Variants in KPNA5 observed in about 807,000 individuals in gnomAD.
The protein encoded by KPNA5 is karyopherin subunit alpha 5, also known as importin subunit alpha-6.
KPNA5 carries 46 observed loss-of-function variants against 71.3 expected under a neutral mutation model. The observed-to-expected ratio is 0.65, with a 90% CI of 0.51 to 0.83. The LOEUF (loss-of-function observed/expected upper bound fraction) is 0.83, where lower values mean the gene tolerates loss of function less well. Among genes scored for constraint, KPNA5 ranks in the 40% least tolerant of loss-of-function variants. KPNA5 has a pLI of 0.00. For synonymous variants in KPNA5, 207 were observed against 201.4 expected (o/e 1.03, Z -0.24); for missense variants, 547 against 628.3 (o/e 0.87, Z 1.38).
intron 6 of KPNA5, 47 bp downstream of exon 6, chr6:116,702,197 T>C: frequency 1.3e-6 from 2 of 1,568,356 alleles, no homozygotes; most frequent in Non-Finnish European, 1.7e-6. Context: ...TTCAGTTTTC[T>C]CTTGAAAGTA....
intron 13 of KPNA5, 23 bp downstream of exon 13, chr6:116,729,764 G>T: frequency 7.0e-7 from 1 of 1,418,526 alleles, no homozygotes; most frequent in South Asian, 1.7e-5. Flanking sequence ...TTAAAAATTT[G>T]CAATTATAGT....
At chr6:116,716,816 A>G (rs1277297118) in intron 8 of KPNA5, among the ~76,000 whole-genome samples, 1 of 152,210 alleles carries the variant, frequency 6.6e-6, no homozygotes, top group Non-Finnish European at 1.5e-5. Context: ...ATACCATTGT[A>G]CTTCTTTTGA....
chr6:116,683,355 T>G (rs2114343938), intron 1 of KPNA5, among the ~76,000 whole-genome samples: 1 of 152,280 alleles, frequency 6.6e-6, no homozygotes, highest in Non-Finnish European at 1.5e-5. Context: ...CATATATAGG[T>G]GATAAATACT....
In KPNA5 at chr6:116,689,468, C is replaced by T. The variant is rs183252786; in HGVS notation, c.138+15C>T. 5.2e-6 allele frequency: 8 copies of T among 1,530,906 alleles called. 1 individual carries two copies. The highest frequency in any genetic ancestry group is 2.0e-4 in the Middle Eastern group (1 of 4,920). The allele number at this position is 1,530,906 out of a possible 1,614,324, so 94.8% of individuals were successfully genotyped here. A position where few individuals can be genotyped will look rare whatever the true frequency, so the allele number is the denominator to read the frequency against. On this transcript the variant is annotated intron_variant, in intron 2 of 13. Coordinates refer to ENST00000368564, the MANE Select transcript of KPNA5 (RefSeq NM_001366306.2). Reference sequence around the variant, plus strand: ...GAGAAGAACAGGTAGGTGTTTTTAGCTATTTAATTTTGTTTTTTAAAATTT... The same window carrying T: ...GAGAAGAACAGGTAGGTGTTTTTAGTTATTTAATTTTGTTTTTTAAAATTT...
At chr6:116,687,239 CT>C (rs942911421) in intron 1 of KPNA5, among the ~76,000 whole-genome samples, 22 of 152,092 alleles carry the variant, frequency 1.4e-4, no homozygotes, top group Admixed American at 1.4e-3. Context: ...CTCTAGAGGT[CT>C]TTCACCTCCT....
intron 1 of KPNA5, among the ~76,000 whole-genome samples, chr6:116,685,691 T>C (rs1270667018): frequency 6.6e-6 from 1 of 152,202 alleles, no homozygotes; most frequent in African/African-American, 2.4e-5. Flanking sequence ...CTGTTACTGA[T>C]GGGCATTTAG....
chr6:116,703,698 T>C (rs1336080154), intron 6 of KPNA5, among the ~76,000 whole-genome samples: 1 of 152,186 alleles, frequency 6.6e-6, no homozygotes, highest in South Asian at 2.1e-4. Context: ...AGGTTTTTCT[T>C]AAAAACAAAC....
At chr6:116,704,485 A>G (rs747461840) in intron 6 of KPNA5, among the ~76,000 whole-genome samples, 38 of 152,252 alleles carry the variant, frequency 2.5e-4, no homozygotes, top group Non-Finnish European at 4.6e-4. Flanking sequence ...GTGCATGATT[A>G]TAATTGGAAA....
At chr6:116,720,148 C>G (rs372806541) in intron 8 of KPNA5, among the ~76,000 whole-genome samples, 1 of 152,174 alleles carries the variant, frequency 6.6e-6, no homozygotes, top group African/African-American at 2.4e-5. Flanking sequence ...TAACCTCTTC[C>G]TCTACTTTAG....
At chr6:116,711,347 C>A (rs117020623) in intron 7 of KPNA5, among the ~76,000 whole-genome samples, 3,072 of 149,790 alleles carry the variant, frequency 0.021, 42 homozygotes, top group Non-Finnish European at 0.032. Flanking sequence ...CTGGTCTTAA[C>A]TTTATTTTCT....
rs1779582988 is a variant in KPNA5, at chr6:116,733,977, G to A, written c.*1654G>A. On this transcript the variant is annotated 3_prime_UTR_variant, in exon 14 of 14. Transcript: ENST00000368564. Reference sequence around the variant, plus strand: ...GCTGTAAAATACAGGTTTAAATGGTGTTCGTAATGCTGAGTGCATCTGCCA... The same window carrying A: ...GCTGTAAAATACAGGTTTAAATGGTATTCGTAATGCTGAGTGCATCTGCCA... The A allele has an allele frequency of 6.6e-6, 1 of 151,662 alleles. No individual in the cohort carries two copies. Among genetic ancestry groups the A allele is most frequent in the Admixed American group, 6.6e-5 (1 of 15,168 alleles). The allele number at this position is 151,662 out of a possible 1,614,324, so 9.4% of individuals were successfully genotyped here.
rs112638317 is a variant in KPNA5, at chr6:116,719,589, G to A, written c.757-2537G>A. ...GCAGCTGGGCACTGTGTCTCATGCTGTAATCCTAGCACTTTGGGAGGCTGA... is the reference window on the plus strand; with the variant it reads ...GCAGCTGGGCACTGTGTCTCATGCTATAATCCTAGCACTTTGGGAGGCTGA... On this transcript the variant is annotated intron_variant, in intron 8 of 13. Coordinates refer to ENST00000368564, the MANE Select transcript of KPNA5 (RefSeq NM_001366306.2). Among the ~76,000 whole-genome samples, 465 of 152,258 alleles carry A rather than the reference G, an allele frequency of 3.1e-3. 3 individuals carry two copies. Among genetic ancestry groups the A allele is most frequent in the African/African-American group, 0.011 (447 of 41,560 alleles).
intron 7 of KPNA5, among the ~76,000 whole-genome samples, chr6:116,713,752 A>G (rs1293582266): frequency 6.6e-6 from 1 of 152,108 alleles, no homozygotes; most frequent in Non-Finnish European, 1.5e-5. Flanking sequence ...CTCAGTTTGA[A>G]TAATTTCAAT....
At chr6:116,707,167 A>C (rs1778474430) in intron 7 of KPNA5, among the ~76,000 whole-genome samples, 1 of 152,260 alleles carries the variant, frequency 6.6e-6, no homozygotes, top group Admixed American at 6.5e-5. Flanking sequence ...CTGTCTCAAA[A>C]AAAAAAAATG....
intron 4 of KPNA5, among the ~76,000 whole-genome samples, chr6:116,695,088 C>T (rs751569611): frequency 6.6e-5 from 10 of 152,090 alleles, no homozygotes; most frequent in East Asian, 3.9e-4. Context: ...GTAGCTAGGA[C>T]GACAGGCATG....
intron 4 of KPNA5, among the ~76,000 whole-genome samples, chr6:116,697,935 G>T (rs1778088172): frequency 6.6e-6 from 1 of 151,964 alleles, no homozygotes; most frequent in South Asian, 2.1e-4. Flanking sequence ...AGGTTGTAAG[G>T]TCTGTGAATT....
chr6:116,706,286 G>A (rs978343538), intron 7 of KPNA5, among the ~76,000 whole-genome samples: 7 of 152,150 alleles, frequency 4.6e-5, no homozygotes, highest in African/African-American at 1.7e-4. Flanking sequence ...CATTTCTTAG[G>A]TCTAATCTCT....
At chr6:116,685,315 G>T (rs1777533437) in intron 1 of KPNA5, among the ~76,000 whole-genome samples, 1 of 152,130 alleles carries the variant, frequency 6.6e-6, no homozygotes, top group South Asian at 2.1e-4. Context: ...AGGCTCAGGG[G>T]CACATGTGCA....
intron 7 of KPNA5, among the ~76,000 whole-genome samples, chr6:116,710,483 C>G (rs193172096): frequency 1.3e-5 from 2 of 152,176 alleles, no homozygotes; most frequent in Admixed American, 6.5e-5. Context: ...GAAATAAGCA[C>G]ATAATGGAGT....
Sources: gnomAD v4.1 joint callset for allele counts (sites outside exome capture counted in the v4.1 genomes callset) on GRCh38, gnomAD v4.1.1 for gene constraint, MANE v1.5 for transcripts, NCBI Gene and HGNC (gene_info 2026-07-23, HGNC 2026-07-21) for gene names.